Variants in CYSLTR2 observed in about 807,000 individuals in gnomAD.
The protein encoded by CYSLTR2 is G-protein coupled receptor GPCR21.
For missense variants in CYSLTR2, 398 were observed against 411.9 expected, an observed-to-expected ratio of 0.97 and a Z score of 0.29; for synonymous variants, 179 against 160.8, an observed-to-expected ratio of 1.11 and a Z score of -0.86.
At position 48,694,767 on chromosome 13, in the gene CYSLTR2, G is replaced by A. The variant is rs527642223; in HGVS notation, c.-103+1257G>A. On this transcript the variant is annotated intron_variant, in intron 3 of 4. Transcript: ENST00000682523. ...GAAAGCCTTCTGTCATCTTCCTGGG[G>A]ATCACCTCTTCAGGTGTACAGAGAC... The A allele has an allele frequency of 3.9e-5, 6 of 152,234 alleles. No individual in the cohort carries two copies. The Middle Eastern group carries it at 0.01, about 259-fold the overall frequency. The allele number at this position is 152,234 out of a possible 1,614,324, so 9.4% of individuals were successfully genotyped here. A position where few individuals can be genotyped will look rare whatever the true frequency, so the allele number is the denominator to read the frequency against.
chr13:48,704,262 C>G (rs547016244), intron 4 of CYSLTR2, among the ~76,000 whole-genome samples: 1 of 152,120 alleles, frequency 6.6e-6, no homozygotes, highest in Non-Finnish European at 1.5e-5. Context: ...TGGTGGCCCA[C>G]GCCTATAATC....
chr13:48,662,427 C>T (rs1251513865), intron 1 of CYSLTR2, among the ~76,000 whole-genome samples: 1 of 152,280 alleles, frequency 6.6e-6, no homozygotes, highest in African/African-American at 2.4e-5. Context: ...CTTGAGGAAC[C>T]TCCATATAGT....
intron 4 of CYSLTR2, among the ~76,000 whole-genome samples, chr13:48,701,703 A>G (rs1954352010): frequency 1.3e-5 from 2 of 152,188 alleles, no homozygotes; most frequent in Admixed American, 6.5e-5. Flanking sequence ...AATCAAAACC[A>G]CAATGAGATA....
intron 1 of CYSLTR2, among the ~76,000 whole-genome samples, chr13:48,663,046 G>C (rs1010233825): frequency 3.3e-5 from 5 of 151,998 alleles, no homozygotes; most frequent in South Asian, 2.1e-4. Context: ...TTTGGGCCTA[G>C]TTTCATTCTT....
At chr13:48,671,072 C>T (rs528833273) in intron 1 of CYSLTR2, among the ~76,000 whole-genome samples, 2 of 152,256 alleles carry the variant, frequency 1.3e-5, no homozygotes, top group Non-Finnish European at 2.9e-5. Context: ...TGATTTGGCT[C>T]TCTGTTTGTC....
intron 1 of CYSLTR2, among the ~76,000 whole-genome samples, chr13:48,673,532 G>T (rs544568972): frequency 6.9e-6 from 1 of 144,340 alleles, no homozygotes; most frequent in South Asian, 2.2e-4. Context: ...ATATGGGACT[G>T]GTTTCCTGAA....
chr13:48,703,898 AT>A (rs1954414277), intron 4 of CYSLTR2, among the ~76,000 whole-genome samples: 1 of 152,140 alleles, frequency 6.6e-6, no homozygotes, highest in Non-Finnish European at 1.5e-5. Context: ...TGAGAATTTA[AT>A]TTCCTTAATA....
At chr13:48,701,660 A>G (rs1057133622) in intron 4 of CYSLTR2, among the ~76,000 whole-genome samples, 5 of 152,244 alleles carry the variant, frequency 3.3e-5, no homozygotes, top group African/African-American at 1.2e-4. Flanking sequence ...ACATGAAAAA[A>G]TGCTCATCAT....
At chr13:48,705,866 A>C (rs1954468279) in intron 4 of CYSLTR2, among the ~76,000 whole-genome samples, 1 of 151,642 alleles carries the variant, frequency 6.6e-6, no homozygotes, top group Non-Finnish European at 1.5e-5. Context: ...TTGTATTTAC[A>C]CATATTTTGG....
chr13:48,659,690 G>A (rs999715813), intron 1 of CYSLTR2, among the ~76,000 whole-genome samples: 17 of 152,134 alleles, frequency 1.1e-4, no homozygotes, highest in African/African-American at 4.1e-4. Context: ...GAATAAACAG[G>A]ACAATGTTTC....
intron 1 of CYSLTR2, among the ~76,000 whole-genome samples, chr13:48,678,189 A>G (rs1428817928): frequency 6.6e-6 from 1 of 152,022 alleles, no homozygotes. Context: ...TTGTATTTTT[A>G]GTAGAGATGA....
intron 4 of CYSLTR2, among the ~76,000 whole-genome samples, chr13:48,703,467 C>G (rs1306615655): frequency 6.6e-6 from 1 of 152,070 alleles, no homozygotes; most frequent in Non-Finnish European, 1.5e-5. Context: ...TGTATATGCT[C>G]TTTATCAAGT....
intron 1 of CYSLTR2, among the ~76,000 whole-genome samples, chr13:48,672,793 T>A (rs1233881577): frequency 3.9e-5 from 6 of 151,990 alleles, no homozygotes; most frequent in African/African-American, 1.4e-4. Flanking sequence ...AATTTTATTA[T>A]TTTTAGTAGA....
chr13:48,672,947 A>G (rs1453332930), intron 1 of CYSLTR2, among the ~76,000 whole-genome samples: 3 of 151,874 alleles, frequency 2.0e-5, no homozygotes, highest in Non-Finnish European at 4.4e-5. Flanking sequence ...GAGTTCTAGT[A>G]GATTGCAATG....
chr13:48,675,229 A>G (rs1255049090), intron 1 of CYSLTR2, among the ~76,000 whole-genome samples: 1 of 152,204 alleles, frequency 6.6e-6, no homozygotes, highest in Non-Finnish European at 1.5e-5. Flanking sequence ...AGTCTGCTGA[A>G]GTTGTGCCCA....
intron 4 of CYSLTR2, among the ~76,000 whole-genome samples, chr13:48,700,571 G>T (rs542596801): frequency 1.3e-5 from 2 of 152,266 alleles, no homozygotes; most frequent in Non-Finnish European, 1.5e-5. Flanking sequence ...TACTGAATGG[G>T]CAAAAATTGG....
At chr13:48,698,352 G>A (rs894193789) in intron 4 of CYSLTR2, among the ~76,000 whole-genome samples, 1 of 152,216 alleles carries the variant, frequency 6.6e-6, no homozygotes, top group African/African-American at 2.4e-5. Context: ...CCAGAAGAGA[G>A]TGGGGGCCAA....
chr13:48,665,247 G>C (rs1281389253), intron 1 of CYSLTR2, among the ~76,000 whole-genome samples: 1 of 152,030 alleles, frequency 6.6e-6, no homozygotes, highest in South Asian at 2.1e-4. Context: ...TGTAAATCAT[G>C]GAGAATGTTT....
At chr13:48,654,249 CTTTGTGTG>C (rs1344378701) in intron 1 of CYSLTR2, among the ~76,000 whole-genome samples, 8 of 132,172 alleles carry the variant, frequency 6.1e-5, no homozygotes, top group South Asian at 2.5e-4. Context: ...GGGATCGTCC[CTTTGTGTG>C]TGTGTGTGTG....
Sources: allele counts gnomAD v4.1 joint callset (sites outside exome capture counted in the v4.1 genomes callset), GRCh38; gene constraint gnomAD v4.1.1; transcripts MANE v1.5; gene names NCBI Gene and HGNC (gene_info 2026-07-23, HGNC 2026-07-21).